Variants in ARHGEF9 observed in about 807,000 individuals in gnomAD.
ARHGEF9 encodes the protein rho guanine nucleotide exchange factor 9.
In ARHGEF9, 2 loss-of-function variants were observed where a neutral mutation model predicts 41.3. The ratio of observed to expected loss-of-function variants is 0.05; its 90% confidence interval spans 0.02 to 0.15. ARHGEF9 has a LOEUF of 0.15. Ranked by LOEUF, ARHGEF9 falls within the 10% of genes least tolerant of loss-of-function variation. The pLI, the probability that ARHGEF9 is intolerant of heterozygous loss-of-function variation, is 1.00. For synonymous variants in ARHGEF9, 160 were observed against 154.4 expected, an observed-to-expected ratio of 1.04 and a Z score of -0.27; for missense variants, 225 against 424.7, an observed-to-expected ratio of 0.53 and a Z score of 4.13.
At chrX:63,716,223 G>A (rs1218949668) in intron 2 of ARHGEF9, 1 of 109,797 alleles carries the variant, frequency 9.1e-6, no homozygotes, top group Non-Finnish European at 1.9e-5. Context: ...AAGAGTTTGG[G>A]GCTACAGCGA....
intron 1 of ARHGEF9, among the ~76,000 whole-genome samples, chrX:63,730,420 C>T (rs1446792965): frequency 1.8e-5 from 2 of 111,907 alleles, no homozygotes; most frequent in South Asian, 3.8e-4. Flanking sequence ...TACAGCTTTG[C>T]TATTTGCCAG....
At chrX:63,719,128 G>C (rs2053496163) in intron 2 of ARHGEF9, among the ~76,000 whole-genome samples, 1 of 112,007 alleles carries the variant, frequency 8.9e-6, no homozygotes, top group Non-Finnish European at 1.9e-5. Context: ...ACAGGGGAGA[G>C]AAATAGCCAT....
intron 3 of ARHGEF9, chrX:63,701,638 C>A (rs781943591): frequency 9.0e-6 from 1 of 111,582 alleles, no homozygotes; most frequent in East Asian, 2.8e-4. Flanking sequence ...GATAGGAAAC[C>A]CTTTCTTCAA....
intron 3 of ARHGEF9, among the ~76,000 whole-genome samples, chrX:63,702,287 G>A (rs1362499055): frequency 8.9e-6 from 1 of 112,342 alleles, no homozygotes; most frequent in Non-Finnish European, 1.9e-5. Context: ...GCTTACTCTT[G>A]CCTCAGTTTC....
intron 2 of ARHGEF9, chrX:63,712,888 C>T (rs1397818502): frequency 2.7e-5 from 3 of 111,432 alleles, no homozygotes; most frequent in African/African-American, 9.8e-5. Flanking sequence ...TACCTATATG[C>T]ATATTCCAAT....
At chrX:63,763,213 G>GT (rs2056062283) in intron 1 of ARHGEF9, among the ~76,000 whole-genome samples, 1 of 110,537 alleles carries the variant, frequency 9.0e-6, no homozygotes, top group Non-Finnish European at 1.9e-5. Flanking sequence ...GATCTTTTAG[G>GT]TAAAGAAGAG....
At chrX:63,689,118 T>A (rs1433642239) in intron 4 of ARHGEF9, among the ~76,000 whole-genome samples, 3 of 111,379 alleles carry the variant, frequency 2.7e-5, no homozygotes, top group Non-Finnish European at 5.7e-5. Context: ...ATGGCAGTAG[T>A]AAGTCCTTAC....
intron 1 of ARHGEF9, among the ~76,000 whole-genome samples, chrX:63,763,970 G>C (rs2056075616): frequency 8.9e-6 from 1 of 111,742 alleles, no homozygotes; most frequent in Admixed American, 9.5e-5. Context: ...TGAGATCATG[G>C]ATTTGAAAGT....
intron 8 of ARHGEF9, 26 bp downstream of exon 8, chrX:63,655,465 GTTC>G (rs1556334522): frequency 2.5e-6 from 3 of 1,210,209 alleles, no homozygotes; most frequent in Admixed American, 2.2e-5. Flanking sequence ...TCATAGCCAT[GTTC>G]TTCTTTCTAC....
At chrX:63,698,048 C>G (rs1327446858) in intron 3 of ARHGEF9, among the ~76,000 whole-genome samples, 1 of 107,797 alleles carries the variant, frequency 9.3e-6, no homozygotes, top group Non-Finnish European at 1.9e-5. Context: ...AGCCAACAAG[C>G]CTATGTGTGC....
At position 63,785,139 on chromosome X, in the gene ARHGEF9, A is replaced by T; in HGVS notation, c.7T>A (p.Trp3Arg). The T allele has an allele frequency of 2.6e-6, 3 of 1,165,287 alleles. No individual in the cohort carries two copies. The highest frequency in any genetic ancestry group is 3.4e-6 in the Non-Finnish European group (3 of 872,003). MQ[W>R]IRGGSGMLIT... ...ACCATTCCCGATCCGCCCCTTATCCACTGCATGGTGCTTGCGAAGTCCGGC... is the reference window on the plus strand; with the variant it reads ...ACCATTCCCGATCCGCCCCTTATCCTCTGCATGGTGCTTGCGAAGTCCGGC... Residue 3 changes from tryptophan to arginine, a missense_variant, in exon 1 of 10, where the codon TGG becomes AGG. Physicochemically the swap from Trp to Arg is moderately radical, Grantham distance 101. Coordinates refer to ENST00000671741, the MANE Select transcript of ARHGEF9 (RefSeq NM_001353921.2).
chrX:63,702,437 T>A (rs782552159), intron 3 of ARHGEF9, among the ~76,000 whole-genome samples: 1 of 112,316 alleles, frequency 8.9e-6, no homozygotes, highest in East Asian at 2.8e-4. Context: ...AGAACTCATT[T>A]GAAAAGATTA....
intron 1 of ARHGEF9, among the ~76,000 whole-genome samples, chrX:63,770,361 G>A (rs2147813370): frequency 8.9e-6 from 1 of 112,174 alleles, no homozygotes; most frequent in East Asian, 2.8e-4. Context: ...CCTTTGTTTT[G>A]GCCAATTTCT....
At chrX:63,737,314 C>A (rs1206751625) in intron 1 of ARHGEF9, among the ~76,000 whole-genome samples, 1 of 112,093 alleles carries the variant, frequency 8.9e-6, no homozygotes, top group African/African-American at 3.2e-5. Context: ...GCTGTATGAA[C>A]TTGGGCAGAT....
intron 1 of ARHGEF9, chrX:63,755,964 A>G (rs1230161108): frequency 1.9e-5 from 9 of 469,117 alleles, no homozygotes; most frequent in African/African-American, 2.6e-5. Context: ...AATCCTCTAC[A>G]GAACTTGCAA....
intron 1 of ARHGEF9, among the ~76,000 whole-genome samples, chrX:63,773,142 A>G (rs1407986893): frequency 8.9e-6 from 1 of 112,030 alleles, no homozygotes; most frequent in Admixed American, 9.4e-5. Context: ...AGAACTAACC[A>G]CATTCTAACA....
At chrX:63,778,111 T>C (rs1556459886) in intron 1 of ARHGEF9, among the ~76,000 whole-genome samples, 2 of 112,895 alleles carry the variant, frequency 1.8e-5, no homozygotes, top group Non-Finnish European at 3.7e-5. Flanking sequence ...CACTGCTGCA[T>C]TGAACTCCTT....
intron 1 of ARHGEF9, chrX:63,732,248 C>T (rs1367419796): frequency 9.0e-6 from 1 of 111,546 alleles, no homozygotes; most frequent in Non-Finnish European, 1.9e-5. Flanking sequence ...TCAGTTCTCG[C>T]TCACCTCCAG....
intron 5 of ARHGEF9, among the ~76,000 whole-genome samples, chrX:63,677,706 G>A (rs2050348728): frequency 9.0e-6 from 1 of 111,438 alleles, no homozygotes; most frequent in African/African-American, 3.3e-5. Context: ...AGAGGACTTT[G>A]AAGCAGGAGT....
Sources: allele counts gnomAD v4.1 joint callset (sites outside exome capture counted in the v4.1 genomes callset), GRCh38; gene constraint gnomAD v4.1.1; transcripts MANE v1.5; gene names NCBI Gene and HGNC (gene_info 2026-07-23, HGNC 2026-07-21).